The following ACAN variants were observed in gnomAD, a reference collection of about 807,000 sequenced individuals.
ACAN encodes aggrecan.
A neutral mutation model predicts 169.1 loss-of-function variants in ACAN; 47 were observed. That is an observed-to-expected ratio of 0.28 (90% CI 0.22 to 0.35). The LOEUF (loss-of-function observed/expected upper bound fraction) is 0.35, where lower values mean the gene tolerates loss of function less well. ACAN is among the 10% of genes least tolerant of loss of function. The pLI, the probability that ACAN is intolerant of heterozygous loss-of-function variation, is 1.00. For missense variants in ACAN, 2,716 were observed against 2,759.9 expected (o/e 0.98, Z 0.36); for synonymous variants, 1,115 against 1,112.2 (o/e 1.00, Z -0.05).
Position 88,838,601 on chromosome 15 carries a change from A to C in ACAN, c.71-62A>C, listed in dbSNP as rs1407068718. ...TGCATTGCTGGAAGGATGGATGGGG[A>C]GGCGGGGTGGTCCTCTCTAGGCACT... On this transcript the variant is annotated intron_variant, in intron 2 of 18. Transcript: ENST00000560601. This position sits in a 1 kb window ranked among gnomAD's most constrained non-coding sequence, Gnocchi z 5.1. 6.6e-7 allele frequency: 1 copy of C among 1,514,698 alleles called. No homozygotes were observed. The highest frequency in any genetic ancestry group is 8.9e-7 in the Non-Finnish European group (1 of 1,126,188). 93.8% of individuals were successfully genotyped at this position (1,514,698 alleles called of 1,614,324 possible).
At chr15:88,818,270 A>G (rs761555575) in intron 1 of ACAN, among the ~76,000 whole-genome samples, 2 of 152,214 alleles carry the variant, frequency 1.3e-5, no homozygotes, top group Non-Finnish European at 2.9e-5. Context: ...TTGCCCCAGC[A>G]CTGCATCTGA....
At chr15:88,820,723 C>T (rs1027183706) in intron 1 of ACAN, among the ~76,000 whole-genome samples, 1 of 152,122 alleles carries the variant, frequency 6.6e-6, no homozygotes, top group African/African-American at 2.4e-5. Flanking sequence ...TCCCAGAGCC[C>T]GCTCTCTCTG....
chr15:88,833,534 TA>T (rs2141549652), intron 1 of ACAN, among the ~76,000 whole-genome samples: 1 of 152,218 alleles, frequency 6.6e-6, no homozygotes, highest in South Asian at 2.1e-4. Context: ...TCTTCTCGCA[TA>T]AAAGGCTCAG....
At chr15:88,806,515 A>G (rs573812147) in intron 1 of ACAN, among the ~76,000 whole-genome samples, 5 of 152,090 alleles carry the variant, frequency 3.3e-5, no homozygotes, top group African/African-American at 9.6e-5. Context: ...ACGCCCGGCT[A>G]ATTTTTGTAT....
chr15:88,806,258 C>T (rs1320769837), intron 1 of ACAN, among the ~76,000 whole-genome samples: 3 of 152,190 alleles, frequency 2.0e-5, no homozygotes, highest in Non-Finnish European at 2.9e-5. Context: ...AGCTCCTAAG[C>T]CCCCTTGTGG....
intron 1 of ACAN, among the ~76,000 whole-genome samples, chr15:88,833,993 C>A (rs1896436322): frequency 1.3e-5 from 2 of 152,280 alleles, no homozygotes; most frequent in South Asian, 2.1e-4. Flanking sequence ...AAAGTCTAGA[C>A]CCCTCCCCAG....
intron 1 of ACAN, among the ~76,000 whole-genome samples, chr15:88,806,627 C>T (rs1471363447): frequency 6.6e-6 from 1 of 152,272 alleles, no homozygotes; most frequent in East Asian, 1.9e-4. Flanking sequence ...AGGATTCAGG[C>T]GTGAGCCACC....
intron 1 of ACAN, among the ~76,000 whole-genome samples, chr15:88,818,489 G>T (rs1042293340): frequency 2.0e-5 from 3 of 152,316 alleles, no homozygotes; most frequent in African/African-American, 4.8e-5. Context: ...CATTCCCAGA[G>T]TTGGCCCCAG....
chr15:88,839,466 A>C lies in ACAN; in HGVS notation c.454+420A>C, dbSNP rs529815532. On this transcript the variant is annotated intron_variant, in intron 3 of 18. Coordinates refer to ENST00000560601, the MANE Select transcript of ACAN (RefSeq NM_001369268.1). The surrounding 1 kb of genome is among the most constrained non-coding windows in gnomAD (Gnocchi z 4.5). ...TATTCTCAGTTCCAGAAGCCAAAGC[A>C]AGGGCTGAAGACTCCCTGGTCTCTT... 6.6e-6 allele frequency among the ~76,000 whole-genome samples: 1 copy of C among 152,314 alleles called. No individual in the cohort carries two copies. The highest frequency in any genetic ancestry group is 2.1e-4 in the South Asian group (1 of 4,818).
rs185842313 is a variant in ACAN at position 88,820,996 on chromosome 15, G to A, written c.-7-15204G>A. Among the ~76,000 whole-genome samples the A allele has an allele frequency of 3.1e-4, 47 of 152,272 alleles. No homozygotes were observed. The East Asian group carries it at 3.9e-3, about 12-fold the overall frequency. On this transcript the variant is annotated intron_variant, in intron 1 of 18. Transcript: ENST00000560601. ...CTTCTTCACATGATGGCAGGAAGGA[G>A]AAGTGCTGAGCAAAGGGGGAAAAGC...
At chr15:88,804,493 C>A (rs2141476928) in intron 1 of ACAN, among the ~76,000 whole-genome samples, 1 of 152,252 alleles carries the variant, frequency 6.6e-6, no homozygotes, top group Admixed American at 6.5e-5. Flanking sequence ...GGTGTCCAAC[C>A]AAGAAGGGGC....
At chr15:88,827,036 C>T (rs772394559) in intron 1 of ACAN, among the ~76,000 whole-genome samples, 23 of 152,128 alleles carry the variant, frequency 1.5e-4, no homozygotes, top group Non-Finnish European at 2.1e-4. Flanking sequence ...GGATAAGAAA[C>T]GGCACATGTA....
Position 88,856,974 on chromosome 15 carries a change from G to T in ACAN, c.4389G>T (p.Ala1463=), listed in dbSNP as rs373448175. ...AAGTTCTAGAGACTTCTACCTCTGC[G>T]GTAGGGGACCTCAGTGGACTTCCTT... ...SGEVLETSTS[A]VGDLSGLPSG... is the part of the protein sequence containing the mutation. Residue 1463 remains alanine, a synonymous_variant, in exon 12 of 19, where the codon GCG becomes GCT. Coordinates refer to ENST00000560601, the MANE Select transcript of ACAN (RefSeq NM_001369268.1). 6 of 1,610,558 alleles carry T rather than the reference G, an allele frequency of 3.7e-6. No individual in the cohort carries two copies. Among genetic ancestry groups the T allele is most frequent in the Non-Finnish European group, 5.1e-6 (6 of 1,178,830 alleles).
At chr15:88,812,250 T>G (rs1464632760) in intron 1 of ACAN, among the ~76,000 whole-genome samples, 1 of 152,134 alleles carries the variant, frequency 6.6e-6, no homozygotes, top group Non-Finnish European at 1.5e-5. Flanking sequence ...AAGACTTATG[T>G]ACACCAGATA....
Position 88,847,289 on chromosome 15 carries a change from C to T in ACAN, c.1476C>T (p.Thr492=), listed in dbSNP as rs139042772. ...YRPGPTRYSL[T]FEEAQQACLR... ...CGGGACCCACCCGCTACTCGCTGAC[C>T]TTTGAGGAGGCACAGCAGGCCTGCC... The change falls in exon 8 of 19, where the codon ACC becomes ACT. Residue 492 remains threonine (T), a synonymous_variant. Coordinates refer to ENST00000560601, the MANE Select transcript of ACAN (RefSeq NM_001369268.1). The T allele has an allele frequency of 5.1e-6, 8 of 1,572,278 alleles. No individual in the cohort carries two copies. Among genetic ancestry groups the T allele is most frequent in the Non-Finnish European group, 6.9e-6 (8 of 1,160,066 alleles).
chr15:88,842,294 C>T (rs564986061), intron 5 of ACAN, among the ~76,000 whole-genome samples: 154 of 152,304 alleles, frequency 1.0e-3, no homozygotes, highest in African/African-American at 3.6e-3. Flanking sequence ...CACCCAGCCA[C>T]CCTCTCCCAG....
Position 88,873,640 on chromosome 15 carries a change from A to T in ACAN, c.7448-202A>T. 1 of 593,628 alleles carries T rather than the reference A, an allele frequency of 1.7e-6. No homozygotes were observed. Among genetic ancestry groups the T allele is most frequent in the Non-Finnish European group, 3.0e-6 (1 of 336,744 alleles). The allele number at this position is 593,628 out of a possible 1,614,324, so 36.8% of individuals were successfully genotyped here. On this transcript the variant is annotated intron_variant, in intron 17 of 18. Transcript: ENST00000560601. This position sits in a 1 kb window ranked among gnomAD's most constrained non-coding sequence, Gnocchi z 7.5. ...TCCCTTTAAAGACCACCCCGTTTGTATTCCCTTCCTGCTGTTCTAAATTGT... is the reference window on the plus strand; with the variant it reads ...TCCCTTTAAAGACCACCCCGTTTGTTTTCCCTTCCTGCTGTTCTAAATTGT...
chr15:88,821,513 C>A (rs577791616), intron 1 of ACAN, among the ~76,000 whole-genome samples: 90 of 152,296 alleles, frequency 5.9e-4, no homozygotes, highest in Non-Finnish European at 8.5e-4. Context: ...CACAGCTGGT[C>A]CATCTATAGT....
rs1895896607 is a variant in ACAN at position 88,814,661 on chromosome 15, C to G, written c.-8+10852C>G. Reference sequence around the variant, plus strand: ...GGGAATAGCGACTCCTCGAGTTGTGCCAGTGTGCAGCCTTTGCAATTGATT... The same window carrying G: ...GGGAATAGCGACTCCTCGAGTTGTGGCAGTGTGCAGCCTTTGCAATTGATT... On this transcript the variant is annotated intron_variant, in intron 1 of 18. Transcript: ENST00000560601. This position sits in a 1 kb window ranked among gnomAD's most constrained non-coding sequence, Gnocchi z 4.0. Among the ~76,000 whole-genome samples, 1 of 152,220 alleles carries G rather than the reference C, an allele frequency of 6.6e-6. No homozygotes were observed. Among genetic ancestry groups the G allele is most frequent in the Non-Finnish European group, 1.5e-5 (1 of 68,040 alleles).
Sources: gnomAD v4.1 joint callset for allele counts (sites outside exome capture counted in the v4.1 genomes callset) on GRCh38, gnomAD v4.1.1 for gene constraint, Gnocchi (gnomAD v3.1) non-coding constraint, MANE v1.5 for transcripts, NCBI Gene and HGNC (gene_info 2026-07-23, HGNC 2026-07-21) for gene names.